DNAAF4: variants seen among roughly 807,000 people sequenced by gnomAD.
The protein encoded by DNAAF4 is dynein assembly factor 4, axonemal.
A neutral mutation model predicts 51.8 loss-of-function variants in DNAAF4; 43 were observed. The ratio of observed to expected loss-of-function variants is 0.83; its 90% CI spans 0.65 to 1.07. DNAAF4 has a LOEUF of 1.07. Among genes scored for constraint, DNAAF4 ranks in the 50% least tolerant of loss-of-function variants. The pLI, the probability that DNAAF4 is intolerant of heterozygous loss-of-function variation, is 0.00. For missense variants in DNAAF4, 581 were observed against 493.0 expected, an observed-to-expected ratio of 1.18 and a Z score of -1.69; for synonymous variants, 194 against 165.6, an observed-to-expected ratio of 1.17 and a Z score of -1.32.
chr15:55,473,183 A>C (rs1234746840), intron 4 of DNAAF4, among the ~76,000 whole-genome samples: 2 of 90,926 alleles, frequency 2.2e-5, no homozygotes, highest in Non-Finnish European at 4.2e-5. Context: ...ACAAAAAAAA[A>C]ACCTAAAAAA....
At position 55,498,578 on chromosome 15, in the gene DNAAF4, A is replaced by G. The variant is rs1734782586; in HGVS notation, c.-249T>C. On this transcript the variant is annotated 5_prime_UTR_variant, in exon 2 of 10. It removes an upstream start codon present in the reference 5' UTR. Coordinates refer to ENST00000321149, the MANE Select transcript of DNAAF4 (RefSeq NM_130810.4). ...AGCGAATGTTCAAAGAAGTAGACCC[A>G]TACCCTCTGCTTGAGAAAAAAAAAA... 2 of 201,812 alleles carry G rather than the reference A, an allele frequency of 9.9e-6. No individual in the cohort carries two copies. The highest frequency in any genetic ancestry group is 1.8e-5 in the Non-Finnish European group (2 of 110,336). 12.5% of individuals were successfully genotyped at this position (201,812 alleles called of 1,614,324 possible). A position where few individuals can be genotyped will look rare whatever the true frequency, so the allele number is the denominator to read the frequency against.
chr15:55,471,010 C>T (rs893909181), intron 4 of DNAAF4, among the ~76,000 whole-genome samples: 1 of 151,338 alleles, frequency 6.6e-6, no homozygotes, highest in Non-Finnish European at 1.5e-5. Context: ...CGCAGCACCA[C>T]GAATGGCTAA....
downstream of DNAAF4, among the ~76,000 whole-genome samples, chr15:55,428,484 C>CTTTTTTTTTTTTTTTT (rs747325376): frequency 3.5e-5 from 3 of 85,082 alleles, no homozygotes; most frequent in African/African-American, 8.3e-5. Flanking sequence ...TCTTTTTTTT[C>CTTTTTTTTTTTTTTTT]TTTTTTTTTT....
chr15:55,434,856 A>G, intron 8 of DNAAF4, 49 bp downstream of exon 8: 1 of 1,366,008 alleles, frequency 7.3e-7, no homozygotes. Context: ...AAACCAATTA[A>G]TAGAAGGATA....
At chr15:55,466,190 A>T (rs867787053) in intron 5 of DNAAF4, among the ~76,000 whole-genome samples, 1 of 152,216 alleles carries the variant, frequency 6.6e-6, no homozygotes, top group Middle Eastern at 3.2e-3. Flanking sequence ...TGGGAGGCCA[A>T]GGCAGGCAGA....
At chr15:55,425,661 A>T (rs1196900290), downstream of DNAAF4, among the ~76,000 whole-genome samples, 1 of 152,186 alleles carries the variant, frequency 6.6e-6, no homozygotes, top group Admixed American at 6.5e-5. Context: ...ATATAACACT[A>T]AACTATTAGA....
chr15:55,485,618 A>G (rs2058476178), intron 4 of DNAAF4, among the ~76,000 whole-genome samples: 1 of 152,214 alleles, frequency 6.6e-6, no homozygotes, highest in South Asian at 2.1e-4. Context: ...TTGAAGCGGA[A>G]AACAAAACAA....
At chr15:55,484,100 G>A (rs998435567) in intron 4 of DNAAF4, among the ~76,000 whole-genome samples, 72 of 151,972 alleles carry the variant, frequency 4.7e-4, no homozygotes, top group African/African-American at 1.7e-3. Context: ...AAGTGTTAGT[G>A]AGAATGGGAG....
chr15:55,431,379 C>CAT (rs1223345808), intron 9 of DNAAF4, among the ~76,000 whole-genome samples: 1 of 151,756 alleles, frequency 6.6e-6, no homozygotes, highest in Admixed American at 6.6e-5. Context: ...CACACACACA[C>CAT]ACACACACAC....
chr15:55,488,786 C>CA, intron 4 of DNAAF4, among the ~76,000 whole-genome samples: 1 of 152,182 alleles, frequency 6.6e-6, no homozygotes, highest in South Asian at 2.1e-4. Flanking sequence ...AGCTTTCATA[C>CA]ATTAGTAAAT....
intron 6 of DNAAF4, among the ~76,000 whole-genome samples, chr15:55,447,213 G>C (rs1196217692): frequency 6.7e-6 from 1 of 149,844 alleles, no homozygotes; most frequent in African/African-American, 2.5e-5. Context: ...TCACTTCCCA[G>C]ACGGGGCAGC....
At chr15:55,484,489 A>C (rs79165453) in intron 4 of DNAAF4, among the ~76,000 whole-genome samples, 1 of 145,560 alleles carries the variant, frequency 6.9e-6, no homozygotes, top group African/African-American at 2.7e-5. Context: ...CGTCTCAGGA[A>C]AAAAAAAAAA....
intron 5 of DNAAF4, among the ~76,000 whole-genome samples, chr15:55,462,970 G>C (rs936463885): frequency 1.3e-5 from 2 of 152,128 alleles, no homozygotes; most frequent in African/African-American, 4.8e-5. Context: ...CAGGAGTTTT[G>C]AGGCCAGCCT....
chr15:55,473,198 A>AAAAT lies in DNAAF4; in HGVS notation c.406-6038_406-6037insATTT, dbSNP rs1209754897. Among the ~76,000 whole-genome samples the AAAAT allele has an allele frequency of 3.6e-3, 272 of 75,728 alleles. 23 individuals are homozygous for AAAAT. The highest frequency in any genetic ancestry group is 8.8e-3 in the South Asian group (18 of 2,040). 49.7% of individuals were successfully genotyped at this position (75,728 alleles called of 152,430 possible). On this transcript the variant is annotated intron_variant, in intron 4 of 9. Coordinates refer to ENST00000321149, the MANE Select transcript of DNAAF4 (RefSeq NM_130810.4). ...ACAAAAAAAAAACCTAAAAAAAAAA[A>AAAAT]ATATATATATATATATATATATATG...
intron 5 of DNAAF4, among the ~76,000 whole-genome samples, chr15:55,452,823 A>G (rs1405852736): frequency 2.0e-5 from 3 of 152,238 alleles, no homozygotes; most frequent in Admixed American, 6.5e-5. Flanking sequence ...AAATAGATTA[A>G]TATCAATGGC....
At chr15:55,502,961 T>C (rs1050083410) in intron 1 of DNAAF4, among the ~76,000 whole-genome samples, 2 of 151,864 alleles carry the variant, frequency 1.3e-5, no homozygotes, top group Non-Finnish European at 2.9e-5. Context: ...CAAAAAACCA[T>C]TCAAAAAAAT....
chr15:55,418,608 C>G, intron 7 of DNAAF4: 1 of 1,280,078 alleles, frequency 7.8e-7, no homozygotes, highest in East Asian at 2.6e-5. Context: ...AAAATATACT[C>G]GGGAAAAATG....
intron 4 of DNAAF4, among the ~76,000 whole-genome samples, chr15:55,484,708 T>C (rs962904537): frequency 6.6e-6 from 1 of 152,096 alleles, no homozygotes; most frequent in African/African-American, 2.4e-5. Flanking sequence ...GGTATCACAA[T>C]AGGCCTGCTG....
intron 3 of DNAAF4, among the ~76,000 whole-genome samples, chr15:55,494,191 G>A (rs1037361788): frequency 3.9e-5 from 6 of 151,956 alleles, no homozygotes; most frequent in East Asian, 1.9e-4. Flanking sequence ...CACCATGCCC[G>A]GCTAATTTTG....
Sources: allele counts gnomAD v4.1 joint callset (sites outside exome capture counted in the v4.1 genomes callset), GRCh38; gene constraint gnomAD v4.1.1; transcripts MANE v1.5; gene names NCBI Gene and HGNC (gene_info 2026-07-23, HGNC 2026-07-21).